Variants in PAK5 observed in about 807,000 individuals in gnomAD.
PAK5 encodes serine/threonine-protein kinase PAK 5.
Under a neutral mutation model 65.9 loss-of-function variants are expected in PAK5, and 16 were observed. The ratio of observed to expected loss-of-function variants is 0.24; its 90% CI spans 0.16 to 0.37. The LOEUF is 0.37. Among genes scored for constraint, PAK5 ranks in the 10% least tolerant of loss-of-function variants. PAK5 has a pLI of 1.00. For missense variants in PAK5, 785 were observed against 903.9 expected, an observed-to-expected ratio of 0.87 and a Z score of 1.69; for synonymous variants, 371 against 354.9, an observed-to-expected ratio of 1.05 and a Z score of -0.51.
chr20:9,715,947 A>G (rs961814756), intron 1 of PAK5, among the ~76,000 whole-genome samples: 5 of 152,052 alleles, frequency 3.3e-5, no homozygotes, highest in Admixed American at 6.6e-5. Flanking sequence ...CCTAATGTAA[A>G]TGATGAGTTA....
chr20:9,622,392 A>T (rs2046782358), intron 3 of PAK5, among the ~76,000 whole-genome samples: 1 of 152,194 alleles, frequency 6.6e-6, no homozygotes, highest in South Asian at 2.1e-4. Flanking sequence ...ATCTCCATGT[A>T]TCTGGTAGGT....
chr20:9,711,858 C>A (rs1408291519), intron 1 of PAK5, among the ~76,000 whole-genome samples: 1 of 152,128 alleles, frequency 6.6e-6, no homozygotes, highest in African/African-American at 2.4e-5. Context: ...ACCACAAACA[C>A]TAAATTAGCA....
At chr20:9,636,996 C>T (rs1291960143) in intron 3 of PAK5, among the ~76,000 whole-genome samples, 1 of 151,956 alleles carries the variant, frequency 6.6e-6, no homozygotes, top group Non-Finnish European at 1.5e-5. Context: ...GATATTAAAA[C>T]TGATAAACTT....
intron 3 of PAK5, among the ~76,000 whole-genome samples, chr20:9,613,880 C>T (rs2046608769): frequency 6.6e-6 from 1 of 152,140 alleles, no homozygotes; most frequent in African/African-American, 2.4e-5. Context: ...CCCTTCCCTT[C>T]CCCACACCTC....
chr20:9,683,126 A>G (rs2047672482), intron 2 of PAK5, among the ~76,000 whole-genome samples: 1 of 152,222 alleles, frequency 6.6e-6, no homozygotes. Flanking sequence ...AAACCTTCTT[A>G]GGAATGCTGT....
Position 9,838,695 on chromosome 20 carries a change from AT to A in PAK5, c.-162+66del, listed in dbSNP as rs1469233277. 6.6e-6 allele frequency: 1 copy of A among 152,192 alleles called. No individual in the cohort carries two copies. Among genetic ancestry groups the A allele is most frequent in the Non-Finnish European group, 1.5e-5 (1 of 68,094 alleles). 9.4% of individuals were successfully genotyped at this position (152,192 alleles called of 1,614,324 possible). On this transcript the variant is annotated intron_variant, in intron 1 of 9. Coordinates refer to ENST00000353224, the MANE Select transcript of PAK5 (RefSeq NM_177990.4). The surrounding 1 kb of genome is among the most constrained non-coding windows in gnomAD (Gnocchi z 4.5). ...GATGCTCCGGTTACCAGCGGCGCGC[AT>A]CCCCGCAGGCGCCTCTCCTCTCGCC...
At chr20:9,605,438 C>G (rs2046435837) in intron 3 of PAK5, among the ~76,000 whole-genome samples, 1 of 152,204 alleles carries the variant, frequency 6.6e-6, no homozygotes, top group African/African-American at 2.4e-5. Flanking sequence ...TGAATATCTG[C>G]TCTGTCACCT....
intron 2 of PAK5, among the ~76,000 whole-genome samples, chr20:9,711,031 C>T (rs2048071371): frequency 6.6e-6 from 1 of 152,124 alleles, no homozygotes; most frequent in African/African-American, 2.4e-5. Context: ...ACCTGCTTAT[C>T]GTGTTCATAA....
At chr20:9,810,398 C>A (rs554241775) in intron 1 of PAK5, among the ~76,000 whole-genome samples, 2 of 151,226 alleles carry the variant, frequency 1.3e-5, no homozygotes, top group African/African-American at 2.5e-5. Context: ...CAAAGTGAGA[C>A]CCTGCCTCTG....
At chr20:9,822,600 C>A (rs191640311) in intron 1 of PAK5, among the ~76,000 whole-genome samples, 92 of 152,294 alleles carry the variant, frequency 6.0e-4, no homozygotes, top group Middle Eastern at 3.4e-3. Context: ...CAATAGCTCA[C>A]AATTGACTAG....
chr20:9,582,458 A>C (rs1232956004), intron 3 of PAK5, among the ~76,000 whole-genome samples: 1 of 152,188 alleles, frequency 6.6e-6, no homozygotes, highest in Non-Finnish European at 1.5e-5. Flanking sequence ...CAGAGAGTCA[A>C]GTCACATTTC....
intron 1 of PAK5, among the ~76,000 whole-genome samples, chr20:9,729,442 C>G (rs1292143931): frequency 6.6e-6 from 1 of 151,880 alleles, no homozygotes; most frequent in African/African-American, 2.4e-5. Flanking sequence ...TCTCAATATC[C>G]ACTTCCATAG....
chr20:9,704,913 T>C (rs1003757760), intron 2 of PAK5, among the ~76,000 whole-genome samples: 6 of 152,034 alleles, frequency 3.9e-5, no homozygotes, highest in African/African-American at 1.4e-4. Context: ...GAGAGAGAAA[T>C]GGAAATGGAA....
intron 1 of PAK5, among the ~76,000 whole-genome samples, chr20:9,728,679 T>A (rs1361216815): frequency 2.0e-5 from 3 of 151,890 alleles, no homozygotes; most frequent in African/African-American, 2.4e-5. Flanking sequence ...ATGAGAAAAC[T>A]GATGAAATCA....
Position 9,561,843 on chromosome 20 carries a change from G to T in PAK5, c.1616+1048C>A, listed in dbSNP as rs116819422. ...TTTCCCAAATGTAACATGCTATTTT[G>T]TATGTCTATTCCACAGAACCTTGCT... On this transcript the variant is annotated intron_variant, in intron 6 of 9. Coordinates refer to ENST00000353224, the MANE Select transcript of PAK5 (RefSeq NM_177990.4). 3.3e-3 allele frequency among the ~76,000 whole-genome samples: 504 copies of T among 152,210 alleles called. 5 individuals are homozygous for T. The highest frequency in any genetic ancestry group is 0.011 in the African/African-American group (454 of 41,520).
At chr20:9,789,125 G>A (rs544327143) in intron 1 of PAK5, among the ~76,000 whole-genome samples, 1 of 152,200 alleles carries the variant, frequency 6.6e-6, no homozygotes. Context: ...GTAGAAGTTT[G>A]TACTGGCTGC....
chr20:9,768,419 T>C (rs1452764390), intron 1 of PAK5, among the ~76,000 whole-genome samples: 2 of 152,004 alleles, frequency 1.3e-5, no homozygotes, highest in Non-Finnish European at 2.9e-5. Flanking sequence ...TGCTGCAATA[T>C]ACTCATGGAA....
chr20:9,777,226 G>A (rs1305064676), intron 1 of PAK5, among the ~76,000 whole-genome samples: 3 of 152,140 alleles, frequency 2.0e-5, no homozygotes, highest in Non-Finnish European at 4.4e-5. Flanking sequence ...GCAGCATGGA[G>A]GTAGATAGCT....
At chr20:9,560,417 C>T (rs138787034) in intron 6 of PAK5, among the ~76,000 whole-genome samples, 317 of 152,182 alleles carry the variant, frequency 2.1e-3, no homozygotes, top group African/African-American at 5.2e-3. Context: ...TGGAGTGTAA[C>T]GGCGCAATCA....
Sources: gnomAD v4.1 joint callset for allele counts (sites outside exome capture counted in the v4.1 genomes callset) on GRCh38, gnomAD v4.1.1 for gene constraint, Gnocchi (gnomAD v3.1) non-coding constraint, MANE v1.5 for transcripts, NCBI Gene and HGNC (gene_info 2026-07-23, HGNC 2026-07-21) for gene names.